The following KAZN variants were observed in gnomAD, a reference collection of about 807,000 sequenced individuals.
The protein encoded by KAZN is kazrin, periplakin interacting protein.
Under a neutral mutation model 87.4 loss-of-function variants are expected in KAZN, and 40 were observed. That is an observed-to-expected ratio of 0.46 (90% CI 0.36 to 0.60). KAZN has a LOEUF of 0.60. Among genes scored for constraint, KAZN ranks in the 20% least tolerant of loss-of-function variants. KAZN has a pLI of 0.00. For missense variants in KAZN, 898 were observed against 1,073.9 expected (o/e 0.84, Z 2.29); for synonymous variants, 466 against 458.3 (o/e 1.02, Z -0.22).
At chr1:14,608,631 G>A (rs975267139) in intron 1 of KAZN, among the ~76,000 whole-genome samples, 3 of 152,180 alleles carry the variant, frequency 2.0e-5, no homozygotes, top group South Asian at 2.1e-4. Flanking sequence ...CGCGTCTTAA[G>A]GAGAAGGAAG....
chr1:15,002,971 G>A (rs772433676), intron 2 of KAZN, among the ~76,000 whole-genome samples: 11 of 150,458 alleles, frequency 7.3e-5, no homozygotes, highest in South Asian at 2.1e-4. Context: ...GCAAGAGTCC[G>A]TCTCAAAAAA....
chr1:14,304,491 G>A (rs138168059), intron 2 of KAZN: 4 of 396,192 alleles, frequency 1.0e-5, no homozygotes, highest in Admixed American at 4.4e-5. Context: ...GCTTCAATGA[G>A]CAACTGGAAT....
intron 2 of KAZN, among the ~76,000 whole-genome samples, chr1:14,231,462 T>A (rs983618514): frequency 4.6e-5 from 7 of 152,272 alleles, no homozygotes; most frequent in African/African-American, 1.4e-4. Flanking sequence ...CAACGGCCCA[T>A]GCCGCCAGCA....
At chr1:14,253,349 C>T (rs1393630688) in intron 2 of KAZN, among the ~76,000 whole-genome samples, 1 of 152,140 alleles carries the variant, frequency 6.6e-6, no homozygotes, top group Admixed American at 6.5e-5. Flanking sequence ...AGCTTCTCGG[C>T]CTAAGGTCAT....
intron 1 of KAZN, among the ~76,000 whole-genome samples, chr1:14,703,763 C>T (rs1642055882): frequency 6.6e-6 from 1 of 152,130 alleles, no homozygotes; most frequent in African/African-American, 2.4e-5. Flanking sequence ...ACCTGTAGTC[C>T]CAGCTACTCA....
At chr1:14,798,933 T>A (rs1405790225) in intron 1 of KAZN, among the ~76,000 whole-genome samples, 1 of 137,982 alleles carries the variant, frequency 7.2e-6, no homozygotes, top group East Asian at 2.0e-4. Flanking sequence ...GCCAATTATT[T>A]GTTTGTTTGT....
chr1:14,316,801 G>T (rs1266414972), intron 2 of KAZN, among the ~76,000 whole-genome samples: 1 of 151,778 alleles, frequency 6.6e-6, no homozygotes, highest in African/African-American at 2.4e-5. Flanking sequence ...GGATTATTCA[G>T]AAGTATATTG....
At chr1:13,942,412 C>T (rs1342976624) in intron 1 of KAZN, among the ~76,000 whole-genome samples, 1 of 147,800 alleles carries the variant, frequency 6.8e-6, no homozygotes, top group Non-Finnish European at 1.5e-5. Flanking sequence ...TGGTGGCGGG[C>T]GCCTGTAGTC....
intron 2 of KAZN, among the ~76,000 whole-genome samples, chr1:15,027,671 A>AGG (rs142524016): frequency 6.6e-6 from 1 of 152,206 alleles, no homozygotes; most frequent in African/African-American, 2.4e-5. Flanking sequence ...TGGAAAAGAA[A>AGG]GGGGGGCCCC....
In KAZN at chr1:14,599,265, A is replaced by G; in HGVS notation, c.226+42A>G. 7.6e-7 allele frequency: 1 copy of G among 1,309,592 alleles called. No individual in the cohort carries two copies. The allele number at this position is 1,309,592 out of a possible 1,614,324, so 81.1% of individuals were successfully genotyped here. On this transcript the variant is annotated intron_variant, in intron 1 of 14. Transcript: ENST00000376030. This position sits in a 1 kb window ranked among gnomAD's most constrained non-coding sequence, Gnocchi z 4.4. Reference sequence around the variant, plus strand: ...GCCCAGGGCGGAGGAAGGCGAGCAGAGCACGCCCGGCCTCGGAGGTGGCCG... The same window carrying G: ...GCCCAGGGCGGAGGAAGGCGAGCAGGGCACGCCCGGCCTCGGAGGTGGCCG...
intron 1 of KAZN, among the ~76,000 whole-genome samples, chr1:13,974,751 C>T (rs907775344): frequency 1.8e-4 from 28 of 152,220 alleles, no homozygotes; most frequent in Non-Finnish European, 3.1e-4. Context: ...TTTCCAGCCT[C>T]CAGAACGGTG....
Position 14,588,721 on chromosome 1 carries a change from G to T in KAZN, c.250-10262G>T, listed in dbSNP as rs79240863. ...TAATGAATGACAGGACAAGAACCTG[G>T]ATCTGTCTTTCTTTTCTTCCCCAAA... On this transcript the variant is annotated intron_variant, in intron 2 of 16. Transcript: ENST00000636203. Among the ~76,000 whole-genome samples the T allele has an allele frequency of 3.3e-3, 504 of 152,296 alleles. 8 individuals carry two copies. The highest frequency in any genetic ancestry group is 0.019 in the East Asian group (97 of 5,180).
intron 1 of KAZN, among the ~76,000 whole-genome samples, chr1:14,139,896 T>A (rs763536425): frequency 2.0e-5 from 3 of 151,708 alleles, no homozygotes; most frequent in African/African-American, 4.8e-5. Context: ...TTTACTCAAG[T>A]GTGGGAGGAG....
chr1:14,521,684 A>G lies in KAZN; in HGVS notation c.250-77299A>G, dbSNP rs368989660. On this transcript the variant is annotated intron_variant, in intron 2 of 16. Transcript: ENST00000636203. Reference sequence around the variant, plus strand: ...AACCGCCTACAGTCCGTAAAAGACCAGCCTGGGCCCTTGGGTTGCCCTCAT... The same window carrying G: ...AACCGCCTACAGTCCGTAAAAGACCGGCCTGGGCCCTTGGGTTGCCCTCAT... 1.7e-4 allele frequency among the ~76,000 whole-genome samples: 26 copies of G among 152,330 alleles called. 1 individual carries two copies. Among genetic ancestry groups the G allele is most frequent in the African/African-American group, 6.3e-4 (26 of 41,582 alleles).
chr1:14,379,231 C>A (rs1265224894), intron 2 of KAZN, among the ~76,000 whole-genome samples: 3 of 151,584 alleles, frequency 2.0e-5, no homozygotes, highest in Non-Finnish European at 4.4e-5. Context: ...GAACAACTGG[C>A]AGAAATAACC....
At chr1:14,301,215 C>G (rs1227303996) in intron 2 of KAZN, among the ~76,000 whole-genome samples, 1 of 152,208 alleles carries the variant, frequency 6.6e-6, no homozygotes, top group Non-Finnish European at 1.5e-5. Context: ...CAAGAAGACA[C>G]TCCTTGGAAT....
At chr1:14,045,937 A>G (rs1557429453) in intron 1 of KAZN, among the ~76,000 whole-genome samples, 1 of 152,206 alleles carries the variant, frequency 6.6e-6, no homozygotes, top group Admixed American at 6.5e-5. Context: ...AGTGTGATAT[A>G]TAACTGTGAG....
intron 2 of KAZN, among the ~76,000 whole-genome samples, chr1:14,387,604 G>A (rs1361019045): frequency 6.6e-6 from 1 of 152,178 alleles, no homozygotes; most frequent in Non-Finnish European, 1.5e-5. Context: ...TGCTTGGGGG[G>A]TGCCTCCCAG....
intron 2 of KAZN, among the ~76,000 whole-genome samples, chr1:14,536,518 G>T (rs553781410): frequency 6.6e-6 from 1 of 152,214 alleles, no homozygotes; most frequent in Non-Finnish European, 1.5e-5. Context: ...AGGTTGAGGA[G>T]TGTTAAAGCT....
Sources: allele counts gnomAD v4.1 joint callset (sites outside exome capture counted in the v4.1 genomes callset), GRCh38; gene constraint gnomAD v4.1.1; non-coding constraint Gnocchi (gnomAD v3.1); transcripts MANE v1.5; gene names NCBI Gene and HGNC (gene_info 2026-07-23, HGNC 2026-07-21).